Variants in ALK observed in about 807,000 individuals in gnomAD.
ALK encodes the protein ALK tyrosine kinase receptor.
In ALK, 74 loss-of-function variants were observed where a neutral mutation model predicts 163.1. The ratio of observed to expected loss-of-function variants is 0.45; its 90% CI spans 0.38 to 0.55. ALK has a LOEUF of 0.55. Among genes scored for constraint, ALK ranks in the 20% least tolerant of loss-of-function variants. The pLI, the probability that ALK is intolerant of heterozygous loss-of-function variation, is 0.00. For synonymous variants in ALK, 960 were observed against 843.2 expected (o/e 1.14, Z -2.40); for missense variants, 2,063 against 2,105.3 (o/e 0.98, Z 0.39).
intron 1 of ALK, among the ~76,000 whole-genome samples, chr2:29,758,936 C>A (rs1680618717): frequency 6.6e-6 from 1 of 152,176 alleles, no homozygotes; most frequent in African/African-American, 2.4e-5. Context: ...TCCTGTCCAA[C>A]AATTTGCCTT....
intron 3 of ALK, among the ~76,000 whole-genome samples, chr2:29,661,892 T>C (rs1265909075): frequency 1.3e-5 from 2 of 152,084 alleles, no homozygotes; most frequent in African/African-American, 4.8e-5. Context: ...GTGTCTTTTA[T>C]GAATATCTGT....
chr2:29,729,428 G>A (rs1443279751), intron 1 of ALK, among the ~76,000 whole-genome samples: 1 of 152,166 alleles, frequency 6.6e-6, no homozygotes, highest in East Asian at 1.9e-4. Context: ...GGGAAGAAAC[G>A]TGGTGGGGGA....
intron 1 of ALK, among the ~76,000 whole-genome samples, chr2:29,914,058 G>A (rs1667771367): frequency 6.6e-6 from 1 of 152,142 alleles, no homozygotes; most frequent in African/African-American, 2.4e-5. Context: ...TTTTCATAAA[G>A]TTAAGCCTTG....
chr2:29,897,786 G>C (rs1475312143), intron 1 of ALK, among the ~76,000 whole-genome samples: 1 of 152,108 alleles, frequency 6.6e-6, no homozygotes, highest in Non-Finnish European at 1.5e-5. Context: ...TTCCTCAAAT[G>C]TCCATGCCCC....
At chr2:29,809,835 T>TCTGATGGATGTCCAGATG (rs1664707322) in intron 1 of ALK, among the ~76,000 whole-genome samples, 1 of 152,222 alleles carries the variant, frequency 6.6e-6, no homozygotes, top group Non-Finnish European at 1.5e-5. Context: ...GGGAAGTGGC[T>TCTGATGGATGTCCAGATG]GCTGGATGGT....
chr2:29,193,609 T>C lies in ALK; in HGVS notation c.4478A>G (p.His1493Arg), dbSNP rs747759910. 8 of 1,614,208 alleles carry C rather than the reference T, an allele frequency of 5.0e-6. No individual in the cohort carries two copies. In the South Asian group the frequency reaches 7.7e-5, roughly 16 times the overall value. Residue 1493 changes from histidine to arginine, a missense_variant, in exon 29 of 29, where the codon CAC (histidine) becomes CGC (arginine). By Grantham distance (29) the His-to-Arg change is conservative (BLOSUM62 0). Around this residue, in one of 5 missense-constraint regions of ALK, gnomAD observed 403 missense variants for 366.2 expected, o/e 1.10. Coordinates refer to ENST00000389048, the MANE Select transcript of ALK (RefSeq NM_004304.5). ...GCTGGTGGGCTTGTTTCTGGATCCG[T>C]GGACCTTGTGCAACTCCGAAGGAGG... ...SNPPSELHKV[H>R]GSRNKPTSLW... is the part of the protein sequence containing the mutation.
intron 4 of ALK, among the ~76,000 whole-genome samples, chr2:29,408,074 G>T (rs1016808164): frequency 1.3e-5 from 2 of 148,592 alleles, no homozygotes; most frequent in African/African-American, 5.1e-5. Context: ...GGTACTCAGG[G>T]AAAGTTCTTT....
intron 3 of ALK, among the ~76,000 whole-genome samples, chr2:29,580,231 C>T (rs1674641274): frequency 6.6e-6 from 1 of 152,192 alleles, no homozygotes; most frequent in East Asian, 1.9e-4. Flanking sequence ...ATTTATCTCA[C>T]CCAGCATGGA....
chr2:29,452,296 AGT>A (rs889910845), intron 4 of ALK, among the ~76,000 whole-genome samples: 11 of 149,052 alleles, frequency 7.4e-5, no homozygotes, highest in Non-Finnish European at 1.3e-4. Flanking sequence ...CTTTGCCTAG[AGT>A]GTGTTTCTCT....
intron 1 of ALK, among the ~76,000 whole-genome samples, chr2:29,771,792 C>A (rs1681035519): frequency 6.6e-6 from 1 of 151,904 alleles, no homozygotes; most frequent in Admixed American, 6.6e-5. Context: ...CCTCGACCTC[C>A]CAAAGTGCTG....
At chr2:29,616,825 G>A (rs1675861662) in intron 3 of ALK, among the ~76,000 whole-genome samples, 1 of 152,152 alleles carries the variant, frequency 6.6e-6, no homozygotes. Flanking sequence ...TAGGCAAACT[G>A]TGCCCTGTCA....
intron 1 of ALK, among the ~76,000 whole-genome samples, chr2:29,824,846 T>A (rs1232206820): frequency 6.6e-6 from 1 of 151,768 alleles, no homozygotes; most frequent in Non-Finnish European, 1.5e-5. Context: ...TGGGGGATGG[T>A]TGGGAATGCA....
chr2:29,787,935 A>G (rs1664081521), intron 1 of ALK, among the ~76,000 whole-genome samples: 1 of 152,246 alleles, frequency 6.6e-6, no homozygotes, highest in Non-Finnish European at 1.5e-5. Flanking sequence ...TCAAAGTGTT[A>G]GTATATGGAA....
At chr2:29,546,719 A>T (rs925812490) in intron 3 of ALK, among the ~76,000 whole-genome samples, 2 of 152,226 alleles carry the variant, frequency 1.3e-5, no homozygotes, top group Non-Finnish European at 2.9e-5. Context: ...TGTTACTTTT[A>T]AAATTTTTGC....
At position 29,656,084 on chromosome 2, in the gene ALK, A is replaced by T. The variant is rs78968979; in HGVS notation, c.952+38766T>A. On this transcript the variant is annotated intron_variant, in intron 3 of 28. Transcript: ENST00000389048. ...ACTAGAACATTTTTTTGGTGATGGA[A>T]ATTTTTTTTCCTTGATTGCAGGGCT... Among the ~76,000 whole-genome samples, 604 of 152,246 alleles carry T rather than the reference A, an allele frequency of 4.0e-3. 3 individuals are homozygous for T. The highest frequency in any genetic ancestry group is 0.014 in the African/African-American group (581 of 41,560).
At chr2:29,368,785 T>G (rs1668572727) in intron 5 of ALK, among the ~76,000 whole-genome samples, 1 of 152,150 alleles carries the variant, frequency 6.6e-6, no homozygotes, top group Non-Finnish European at 1.5e-5. Flanking sequence ...TTGTTTGGAG[T>G]ATCCCATGGA....
At chr2:29,339,784 T>A (rs1042369316) in intron 5 of ALK, among the ~76,000 whole-genome samples, 1 of 152,114 alleles carries the variant, frequency 6.6e-6, no homozygotes, top group Admixed American at 6.5e-5. Flanking sequence ...ACATAAAGGA[T>A]GGCACTAGGG....
intron 4 of ALK, among the ~76,000 whole-genome samples, chr2:29,515,419 C>T (rs1672634591): frequency 1.3e-5 from 2 of 151,974 alleles, no homozygotes; most frequent in Admixed American, 1.3e-4. Context: ...AGCTAATTTC[C>T]CTGCACATAA....
intron 1 of ALK, among the ~76,000 whole-genome samples, chr2:29,778,701 G>T (rs1162628656): frequency 2.6e-5 from 4 of 152,090 alleles, no homozygotes; most frequent in African/African-American, 4.8e-5. Context: ...CCTAGAAAAG[G>T]CAACACTACA....
Sources: gnomAD v4.1 joint callset for allele counts (sites outside exome capture counted in the v4.1 genomes callset) on GRCh38, gnomAD v4.1.1 for gene constraint, gnomAD v4.1.1 regional missense constraint, MANE v1.5 for transcripts, NCBI Gene and HGNC (gene_info 2026-07-23, HGNC 2026-07-21) for gene names.